RBFOX1: variants seen among roughly 807,000 people sequenced by gnomAD.
The protein encoded by RBFOX1 is RNA binding fox-1 homolog 1, also known as RNA binding protein fox-1 homolog 1.
A neutral mutation model predicts 57.7 loss-of-function variants in RBFOX1; 8 were observed. The observed-to-expected ratio is 0.14, with a 90% confidence interval of 0.08 to 0.25. The LOEUF (loss-of-function observed/expected upper bound fraction) is 0.25, where lower values mean the gene tolerates loss of function less well. Ranked by LOEUF, RBFOX1 falls within the 10% of genes least tolerant of loss-of-function variation. The pLI is 1.00. For synonymous variants in RBFOX1, 326 were observed against 222.4 expected (o/e 1.47, Z -4.15); for missense variants, 611 against 548.5 (o/e 1.11, Z -1.14).
At chr16:6,441,078 G>C (rs1319264) in intron 2 of RBFOX1, among the ~76,000 whole-genome samples, 2,991 of 152,276 alleles carry the variant, frequency 0.02, 55 homozygotes, top group African/African-American at 0.044. Context: ...GTGATGACCA[G>C]AGTCATGGCG....
chr16:6,896,900 T>G (rs966676279), intron 3 of RBFOX1, among the ~76,000 whole-genome samples: 6 of 152,094 alleles, frequency 3.9e-5, no homozygotes, highest in Non-Finnish European at 8.8e-5. Flanking sequence ...AGGTGACATT[T>G]TTAAAAAAAA....
At chr16:6,677,730 C>G (rs1030009807) in intron 3 of RBFOX1, among the ~76,000 whole-genome samples, 2 of 152,266 alleles carry the variant, frequency 1.3e-5, no homozygotes, top group Admixed American at 6.5e-5. Context: ...TCTTTTGTAA[C>G]TTTAAAGATA....
chr16:7,415,329 G>A (rs1231065341), intron 4 of RBFOX1, among the ~76,000 whole-genome samples: 1 of 152,164 alleles, frequency 6.6e-6, no homozygotes, highest in East Asian at 1.9e-4. Flanking sequence ...TCTTCTGCCT[G>A]TGGAACCAGA....
chr16:7,636,987 G>C lies in RBFOX1; in HGVS notation c.757+6304G>C, dbSNP rs182204190. 2.7e-3 allele frequency among the ~76,000 whole-genome samples: 405 copies of C among 152,236 alleles called. 3 individuals are homozygous for C. The highest frequency in any genetic ancestry group is 9.3e-3 in the African/African-American group (388 of 41,542). ...ATTTCCACAAAGCATCACATTGGGG[G>C]TTACGGCTTCCACATATGAATTTGA... On this transcript the variant is annotated intron_variant, in intron 11 of 15. Coordinates refer to ENST00000550418, the MANE Select transcript of RBFOX1 (RefSeq NM_018723.4).
chr16:5,536,228 CTTTTTTTTTTTTTTT>C (rs57061495), intron 2 of RBFOX1, among the ~76,000 whole-genome samples: 1 of 103,538 alleles, frequency 9.7e-6, no homozygotes, highest in Non-Finnish European at 1.9e-5. Context: ...AATCTCCTGT[CTTTTTTTTTTTTTTT>C]TTTTTTTTTT....
chr16:5,474,971 C>T (rs2069270326), intron 2 of RBFOX1, among the ~76,000 whole-genome samples: 1 of 152,164 alleles, frequency 6.6e-6, no homozygotes, highest in Non-Finnish European at 1.5e-5. Flanking sequence ...TTGGGTTTTT[C>T]TGAAACCAGC....
intron 3 of RBFOX1, among the ~76,000 whole-genome samples, chr16:6,932,179 C>A (rs183467435): frequency 6.6e-6 from 1 of 152,210 alleles, no homozygotes; most frequent in African/African-American, 2.4e-5. Context: ...TCTTGGCTCA[C>A]TGCAACCTCC....
intron 3 of RBFOX1, among the ~76,000 whole-genome samples, chr16:6,926,743 A>G (rs1449241747): frequency 6.6e-6 from 1 of 152,198 alleles, no homozygotes; most frequent in Non-Finnish European, 1.5e-5. Context: ...AAGAGAGCAC[A>G]CTTCTTGGAG....
At chr16:7,063,390 G>C (rs891326872) in intron 4 of RBFOX1, among the ~76,000 whole-genome samples, 1 of 151,970 alleles carries the variant, frequency 6.6e-6, no homozygotes, top group Non-Finnish European at 1.5e-5. Context: ...GTGATGTTAC[G>C]GGATCATCAC....
At position 7,201,620 on chromosome 16, in the gene RBFOX1, G is replaced by C. The variant is rs139536101; in HGVS notation, c.27+149522G>C. Among the ~76,000 whole-genome samples, 309 of 152,086 alleles carry C rather than the reference G, an allele frequency of 2.0e-3. 1 individual carries two copies. Among genetic ancestry groups the C allele is most frequent in the African/African-American group, 7.0e-3 (291 of 41,486 alleles). On this transcript the variant is annotated intron_variant, in intron 4 of 15. Coordinates refer to ENST00000550418, the MANE Select transcript of RBFOX1 (RefSeq NM_018723.4). Reference sequence around the variant, plus strand: ...TGGGATTACAGGTGTCCAACACCACGCCTGGCTAATTTTTAGTATTTTTAG... The same window carrying C: ...TGGGATTACAGGTGTCCAACACCACCCCTGGCTAATTTTTAGTATTTTTAG...
At chr16:7,256,406 C>T (rs1289608848) in intron 4 of RBFOX1, among the ~76,000 whole-genome samples, 1 of 152,172 alleles carries the variant, frequency 6.6e-6, no homozygotes, top group East Asian at 1.9e-4. Flanking sequence ...ACAAAGGCGG[C>T]TGTCATGGGA....
intron 1 of RBFOX1, among the ~76,000 whole-genome samples, chr16:5,409,601 T>C (rs1403356620): frequency 6.6e-6 from 1 of 152,218 alleles, no homozygotes; most frequent in African/African-American, 2.4e-5. Context: ...AGGCATGTTC[T>C]AGGTGCTGGG....
At chr16:7,293,295 T>G (rs1370107103) in intron 4 of RBFOX1, among the ~76,000 whole-genome samples, 1 of 152,200 alleles carries the variant, frequency 6.6e-6, no homozygotes, top group African/African-American at 2.4e-5. Flanking sequence ...GAAGATGATT[T>G]AAAGTATACA....
At chr16:6,953,364 C>T (rs1363016780) in intron 3 of RBFOX1, among the ~76,000 whole-genome samples, 2 of 136,230 alleles carry the variant, frequency 1.5e-5, no homozygotes, top group East Asian at 4.1e-4. Flanking sequence ...CAATGTTTCC[C>T]ATATACATGA....
chr16:7,138,545 T>G (rs8052094), intron 4 of RBFOX1, among the ~76,000 whole-genome samples: 4 of 151,988 alleles, frequency 2.6e-5, no homozygotes. Flanking sequence ...TTTTGTGTTA[T>G]TGTGAAACAA....
chr16:6,426,560 G>C (rs1474893938), intron 2 of RBFOX1, among the ~76,000 whole-genome samples: 1 of 152,058 alleles, frequency 6.6e-6, no homozygotes, highest in African/African-American at 2.4e-5. Flanking sequence ...GAGCCCAGGA[G>C]GCCGAGGCTG....
At chr16:7,244,037 C>G (rs879343049) in intron 4 of RBFOX1, among the ~76,000 whole-genome samples, 7 of 151,854 alleles carry the variant, frequency 4.6e-5, no homozygotes, top group South Asian at 4.2e-4. Flanking sequence ...TCAAAATGAT[C>G]TTTGTTTTCA....
intron 1 of RBFOX1, among the ~76,000 whole-genome samples, chr16:5,394,105 C>G (rs996042915): frequency 5.3e-5 from 8 of 152,050 alleles, no homozygotes; most frequent in Non-Finnish European, 8.8e-5. Context: ...CTCACTGCAG[C>G]CTCCACCTCC....
intron 2 of RBFOX1, among the ~76,000 whole-genome samples, chr16:6,601,125 G>C (rs1489627173): frequency 1.3e-5 from 2 of 152,164 alleles, no homozygotes; most frequent in Non-Finnish European, 2.9e-5. Context: ...CTTTAGCCTA[G>C]TTGTAAAGCC....
Sources: gnomAD v4.1 joint callset for allele counts (sites outside exome capture counted in the v4.1 genomes callset) on GRCh38, gnomAD v4.1.1 for gene constraint, MANE v1.5 for transcripts, NCBI Gene and HGNC (gene_info 2026-07-23, HGNC 2026-07-21) for gene names.